The following MRI1 variants were observed in gnomAD, a reference collection of about 807,000 sequenced individuals.
MRI1 encodes the protein methylthioribose-1-phosphate isomerase.
Under a neutral mutation model 27.3 loss-of-function variants are expected in MRI1, and 32 were observed. The observed-to-expected ratio is 1.17, with a 90% CI of 0.88 to 1.57. The LOEUF is 1.57. MRI1 is among the 40% of genes most tolerant of loss of function. The probability of loss-of-function intolerance (pLI) is 0.00; values close to 1 mark genes in which losing one functional copy is unlikely to be tolerated. For synonymous variants in MRI1, 216 were observed against 227.4 expected (o/e 0.95, Z 0.45); for missense variants, 508 against 516.1 (o/e 0.98, Z 0.15).
Position 13,768,608 on chromosome 19 carries a change from T to C in MRI1, c.595T>C (p.Cys199Arg). 6.2e-7 allele frequency: 1 copy of C among 1,612,688 alleles called. No individual in the cohort carries two copies. The change falls in exon 4 of 6, where the codon TGC (cysteine) becomes CGC (arginine). Residue 199 changes from cysteine to arginine, a missense_variant. Transcript: ENST00000040663. The part of the protein sequence containing the change: ...HSLGRLEHAF[C>R]TETRPYNQGA... ...CCTGGGCCGCCTGGAGCATGCCTTC[T>C]GCACAGAGACCCGGCCCTACAACCA...
chr19:13,772,105 CCT>C lies in MRI1; in HGVS notation c.950-10_950-9del, dbSNP rs1974278748. The C allele has an allele frequency of 1.3e-6, 2 of 1,594,026 alleles. No individual in the cohort carries two copies. The highest frequency in any genetic ancestry group is 2.3e-5 in the East Asian group (1 of 44,092). On this transcript the variant is annotated splice_polypyrimidine_tract_variant and intron_variant, in intron 5 of 5. Transcript: ENST00000040663. ...AGCAAATTCTTGCCTCCTTGCCTCC[CCT>C]CTCTCCCCTGCAGGGATTGGAGTTT...
At chr19:13,771,875 A>C (rs1448787114) in intron 5 of MRI1, among the ~76,000 whole-genome samples, 2 of 152,188 alleles carry the variant, frequency 1.3e-5, no homozygotes, top group Non-Finnish European at 2.9e-5. Context: ...ATAAAAAAAT[A>C]AGTGGCATAG....
At chr19:13,769,134 G>T (rs1306016289) in intron 5 of MRI1, 86 bp downstream of exon 5, 21 of 1,150,560 alleles carry the variant, frequency 1.8e-5, no homozygotes, top group Non-Finnish European at 2.6e-5. Context: ...TCATCCTTCT[G>T]GAACATACAC....
rs143494501 is a variant in MRI1, at chr19:13,774,091, G to T, written c.*1810G>T. 1.1e-3 allele frequency: 182 copies of T among 173,318 alleles called. No homozygotes were observed. The highest frequency in any genetic ancestry group is 4.2e-3 in the African/African-American group (177 of 42,192). The allele number at this position is 173,318 out of a possible 1,614,324, so 10.7% of individuals were successfully genotyped here. Reference sequence around the variant, plus strand: ...GTAGTTTAACAATTTGATTATTTTGGATATTAAAATATTTTTTAAGTCTTG... The same window carrying T: ...GTAGTTTAACAATTTGATTATTTTGTATATTAAAATATTTTTTAAGTCTTG... On this transcript the variant is annotated 3_prime_UTR_variant, in exon 6 of 6. Transcript: ENST00000040663.
intron 3 of MRI1, 135 bp downstream of exon 3, chr19:13,766,264 A>G (rs1974122786): frequency 1.3e-6 from 1 of 760,224 alleles, no homozygotes; most frequent in African/African-American, 1.8e-5. Flanking sequence ...GGAAACACTT[A>G]TACAGTTGGC....
chr19:13,770,569 A>G (rs1807699038), intron 5 of MRI1, among the ~76,000 whole-genome samples: 1 of 151,836 alleles, frequency 6.6e-6, no homozygotes, highest in South Asian at 2.1e-4. Flanking sequence ...TCTGGGTGAC[A>G]GAGCGAAACT....
intron 3 of MRI1, 41 bp downstream of exon 3, chr19:13,766,170 G>A (rs1974120427): frequency 6.8e-7 from 1 of 1,476,608 alleles, no homozygotes. Context: ...GGCCTTCTAG[G>A]AACTTTTTTA....
intron 1 of MRI1, 44 bp from the exon 2 acceptor site, chr19:13,764,827 C>A (rs1974078646): frequency 7.9e-7 from 1 of 1,271,668 alleles, no homozygotes; most frequent in African/African-American, 1.6e-5. Context: ...GGTGGGAGTG[C>A]GCCCGCGCCT....
chr19:13,771,477 G>A (rs1218726108), intron 5 of MRI1, among the ~76,000 whole-genome samples: 6 of 152,182 alleles, frequency 3.9e-5, no homozygotes, highest in African/African-American at 9.7e-5. Flanking sequence ...GTTACACTGA[G>A]CCAAGATCGC....
chr19:13,772,418 G>A lies in MRI1; in HGVS notation c.*137G>A, dbSNP rs1974288010. 4.4e-5 allele frequency: 34 copies of A among 772,368 alleles called. 1 individual carries two copies. In the South Asian group the frequency reaches 6.6e-4, roughly 15 times the overall value. The allele number at this position is 772,368 out of a possible 1,614,324, so 47.8% of individuals were successfully genotyped here. Reference sequence around the variant, plus strand: ...GCTCAGACAGGGCCTTCCATCTAGAGCCCAGCACCTAGAGCCAGGCTGCCC... The same window carrying A: ...GCTCAGACAGGGCCTTCCATCTAGAACCCAGCACCTAGAGCCAGGCTGCCC... On this transcript the variant is annotated 3_prime_UTR_variant, in exon 6 of 6. Coordinates refer to ENST00000040663, the MANE Select transcript of MRI1 (RefSeq NM_001031727.4).
chr19:13,767,025 ATATATATATATATTTTTTTTTTTT>A (rs1280367117), intron 3 of MRI1, among the ~76,000 whole-genome samples: 1 of 13,722 alleles, frequency 7.3e-5, no homozygotes, highest in Admixed American at 6.4e-4. Flanking sequence ...ATATATATAT[ATATATATATATATTTTTTTTTTTT>A]TTTTTTTTTT....
rs749559486 is a variant in MRI1 at position 13,766,113 on chromosome 19, C to T, written c.531C>T (p.Gly177=). ...HCNTGALATA[G]YGTALGVIRS... ...ACACTGGTGCTCTGGCCACCGCTGG[C>T]TATGGTACAGCCCTAGGTGAGAGGG... Residue 177 remains glycine (G), a synonymous_variant, in exon 3 of 6, where the codon GGC becomes GGT. Transcript: ENST00000040663. 2 of 1,596,502 alleles carry T rather than the reference C, an allele frequency of 1.3e-6. No homozygotes were observed. The highest frequency in any genetic ancestry group is 1.1e-5 in the South Asian group (1 of 89,528).
At chr19:13,767,031 ATATATATTTTTT>A (rs1974145463) in intron 3 of MRI1, among the ~76,000 whole-genome samples, 1 of 29,094 alleles carries the variant, frequency 3.4e-5, no homozygotes, top group African/African-American at 1.5e-4. Context: ...ATATATATAT[ATATATATTTTTT>A]TTTTTTTTTT....
rs569621671 is a variant in MRI1, at chr19:13,770,840, G to A, written c.950-1281G>A. On this transcript the variant is annotated intron_variant, in intron 5 of 5. Transcript: ENST00000040663. ...GGAGGTTGCAATGAGCCAAGATAGCGCCACAGCACTCCAGCCTGGGCAACA... is the reference window on the plus strand; with the variant it reads ...GGAGGTTGCAATGAGCCAAGATAGCACCACAGCACTCCAGCCTGGGCAACA... 4.7e-4 allele frequency among the ~76,000 whole-genome samples: 72 copies of A among 151,760 alleles called. 2 individuals carry two copies. The South Asian group carries it at 0.013, about 28-fold the overall frequency.
At position 13,772,321 on chromosome 19, in the gene MRI1, A is replaced by G. The variant is rs1418720955; in HGVS notation, c.*40A>G. ...CCTAGCCTGCCTCTCTAGGTTTTTC[A>G]ATACATTTCTTGAATGGCTACCCAA... On this transcript the variant is annotated 3_prime_UTR_variant, in exon 6 of 6. Transcript: ENST00000040663. The G allele has an allele frequency of 6.3e-7, 1 of 1,581,012 alleles. No homozygotes were observed. The highest frequency in any genetic ancestry group is 1.4e-5 in the African/African-American group (1 of 73,672).
At chr19:13,771,797 CA>C (rs1335312865) in intron 5 of MRI1, among the ~76,000 whole-genome samples, 2 of 152,076 alleles carry the variant, frequency 1.3e-5, no homozygotes, top group Non-Finnish European at 2.9e-5. Flanking sequence ...GTGGAGGTTG[CA>C]GTGAACCAAG....
At chr19:13,765,765 T>G (rs1266085403) in intron 2 of MRI1, among the ~76,000 whole-genome samples, 189 bp from the exon 3 acceptor site, 1 of 152,224 alleles carries the variant, frequency 6.6e-6, no homozygotes. Flanking sequence ...CCGGAACTGC[T>G]TGGTAAACAT....
rs760712700 is a variant in MRI1, at chr19:13,766,010, T to C, written c.428T>C (p.Ile143Thr). The C allele has an allele frequency of 3.0e-5, 49 of 1,612,960 alleles. No individual in the cohort carries two copies. The African/African-American group carries it at 3.6e-4, about 12-fold the overall frequency. The change falls in exon 3 of 6, where the codon ATT (isoleucine) becomes ACT (threonine). Residue 143 changes from isoleucine (I) to threonine (T), a missense_variant. Transcript: ENST00000040663. ...LEKDLRDNRS[I>T]GDLGARHLLE... ...AAAGACCTCAGAGACAACCGAAGCATTGGGGACCTAGGAGCCCGCCACCTC... is the reference window on the plus strand; with the variant it reads ...AAAGACCTCAGAGACAACCGAAGCACTGGGGACCTAGGAGCCCGCCACCTC...
At position 13,764,996 on chromosome 19, in the gene MRI1, C is replaced by T. The variant is rs969232764; in HGVS notation, c.258C>T (p.Leu86=). Residue 86 remains leucine, a synonymous_variant, in exon 2 of 6, where the codon CTC becomes CTT. Transcript: ENST00000040663. ...VAFVRDKLSF[L]VTARPTAVNM... ...TCGTGCGCGACAAGCTGAGCTTCCT[C>T]GTCACCGCCCGGCCCACCGCTGTCA... 3.3e-6 allele frequency: 5 copies of T among 1,522,290 alleles called. No individual in the cohort carries two copies. The highest frequency in any genetic ancestry group is 4.4e-6 in the Non-Finnish European group (5 of 1,140,658). The allele number at this position is 1,522,290 out of a possible 1,614,324, so 94.3% of individuals were successfully genotyped here.
Sources: gnomAD v4.1 joint callset for allele counts (sites outside exome capture counted in the v4.1 genomes callset) on GRCh38, gnomAD v4.1.1 for gene constraint, MANE v1.5 for transcripts, NCBI Gene and HGNC (gene_info 2026-07-23, HGNC 2026-07-21) for gene names.